The following FILIP1L variants were observed in gnomAD, a reference collection of about 807,000 sequenced individuals.
The protein encoded by FILIP1L is filamin A interacting protein 1 like, also known as filamin A-interacting protein 1-like.
In FILIP1L, 55 loss-of-function variants were observed where a neutral mutation model predicts 96.6. The ratio of observed to expected loss-of-function variants is 0.57; its 90% CI spans 0.46 to 0.71. The LOEUF (loss-of-function observed/expected upper bound fraction) is 0.71. FILIP1L is among the 30% of genes least tolerant of loss of function. FILIP1L has a pLI of 0.00. For synonymous variants in FILIP1L, 467 were observed against 473.9 expected (o/e 0.99, Z 0.19); for missense variants, 1,304 against 1,321.2 (o/e 0.99, Z 0.20).
intron 1 of FILIP1L, among the ~76,000 whole-genome samples, chr3:99,969,703 T>C (rs1708758434): frequency 6.6e-6 from 1 of 152,054 alleles, no homozygotes; most frequent in African/African-American, 2.4e-5. Flanking sequence ...ACATAATGGA[T>C]AGGAAGCAGC....
intron 1 of FILIP1L, among the ~76,000 whole-genome samples, chr3:100,103,766 A>G (rs2066348155): frequency 6.6e-6 from 1 of 152,224 alleles, no homozygotes; most frequent in African/African-American, 2.4e-5. Flanking sequence ...TGGCCTTGCA[A>G]TAAACATGTT....
chr3:100,013,091 G>A (rs1710209615), intron 1 of FILIP1L, among the ~76,000 whole-genome samples: 1 of 152,050 alleles, frequency 6.6e-6, no homozygotes, highest in South Asian at 2.1e-4. Flanking sequence ...TGTCCGGGCT[G>A]ATCTTGAACT....
intron 1 of FILIP1L, among the ~76,000 whole-genome samples, chr3:100,023,748 C>G (rs1472716331): frequency 6.6e-6 from 1 of 152,110 alleles, no homozygotes; most frequent in Non-Finnish European, 1.5e-5. Flanking sequence ...CTCGCCATTG[C>G]AAACTAGTAT....
intron 4 of FILIP1L, among the ~76,000 whole-genome samples, chr3:99,886,052 A>G (rs1375704868): frequency 6.6e-6 from 1 of 152,250 alleles, no homozygotes; most frequent in East Asian, 1.9e-4. Flanking sequence ...GAGGTATTAC[A>G]CTTTCCTTTC....
intron 1 of FILIP1L, among the ~76,000 whole-genome samples, chr3:99,957,073 C>CT (rs1368601076): frequency 1.5e-4 from 23 of 152,172 alleles, no homozygotes; most frequent in Admixed American, 1.0e-3. Context: ...CTTAACCCTG[C>CT]TTAACATACT....
At chr3:99,879,126 T>C (rs969296666) in intron 4 of FILIP1L, among the ~76,000 whole-genome samples, 5 of 152,314 alleles carry the variant, frequency 3.3e-5, no homozygotes, top group Admixed American at 3.3e-4. Context: ...CTTTCTACAA[T>C]TAGTAATCTG....
intron 1 of FILIP1L, among the ~76,000 whole-genome samples, chr3:99,972,649 G>C (rs951757321): frequency 5.9e-5 from 9 of 152,136 alleles, no homozygotes; most frequent in African/African-American, 1.9e-4. Context: ...ATGAGCCCAT[G>C]TCACCACCCT....
chr3:99,921,606 A>T (rs1212385997), intron 4 of FILIP1L, among the ~76,000 whole-genome samples: 1 of 152,192 alleles, frequency 6.6e-6, no homozygotes, highest in East Asian at 1.9e-4. Context: ...GAATATTCTC[A>T]TATCTTCTGG....
At chr3:99,835,748 A>G (rs1176167520) in intron 5 of FILIP1L, among the ~76,000 whole-genome samples, 3 of 152,236 alleles carry the variant, frequency 2.0e-5, no homozygotes. Flanking sequence ...AGGAGGGGTA[A>G]CAAATAATTA....
chr3:99,901,984 G>GT (rs542857966), intron 4 of FILIP1L, among the ~76,000 whole-genome samples: 19 of 152,106 alleles, frequency 1.2e-4, no homozygotes, highest in Middle Eastern at 3.4e-3. Flanking sequence ...AACACAGAGT[G>GT]TTTTTTTCAT....
At chr3:99,932,966 A>T (rs987345997) in intron 1 of FILIP1L, among the ~76,000 whole-genome samples, 1 of 152,172 alleles carries the variant, frequency 6.6e-6, no homozygotes, top group Non-Finnish European at 1.5e-5. Context: ...TATGTGTGCT[A>T]AGCATTCTTC....
chr3:99,994,549 T>A (rs907732480), intron 1 of FILIP1L, among the ~76,000 whole-genome samples: 2 of 152,070 alleles, frequency 1.3e-5, no homozygotes, highest in Non-Finnish European at 2.9e-5. Flanking sequence ...CAGAACACAA[T>A]GGAAAAAGGC....
chr3:100,092,599 T>C (rs1292894925), intron 1 of FILIP1L, among the ~76,000 whole-genome samples: 1 of 149,976 alleles, frequency 6.7e-6, no homozygotes, highest in East Asian at 1.9e-4. Flanking sequence ...GGCCACTAGT[T>C]ATGAGGGTTA....
rs531637381 is a variant in FILIP1L, at chr3:99,934,279, A to G, written c.-10-3249T>C. 1.3e-4 allele frequency among the ~76,000 whole-genome samples: 20 copies of G among 152,334 alleles called. 1 individual carries two copies. In the South Asian group the frequency reaches 2.7e-3, roughly 21 times the overall value. On this transcript the variant is annotated intron_variant, in intron 1 of 5. Transcript: ENST00000477258. ...GCCACATTGCAAAGGAATGGAAGGA[A>G]TTAACTGCAGCCATCTTTGAAAAAG...
rs746255036 is a variant in FILIP1L, at chr3:99,832,543, TA to T, written c.3382-1939del. Among the ~76,000 whole-genome samples the T allele has an allele frequency of 7.6e-3, 323 of 42,406 alleles. 1 individual carries two copies. The highest frequency in any genetic ancestry group is 0.02 in the African/African-American group (151 of 7,500). 27.8% of individuals were successfully genotyped at this position (42,406 alleles called of 152,430 possible). ...CTGCGCCCAGCCATTCCCAAATCTT[TA>T]AAAAAAAAAAAAAAAAGGCCTAGCG... On this transcript the variant is annotated intron_variant, in intron 5 of 5. Transcript: ENST00000477258.
At chr3:99,898,710 G>A in intron 4 of FILIP1L, 1 of 156,302 alleles carries the variant, frequency 6.4e-6, no homozygotes. Context: ...AGATTGCAGT[G>A]AGCCAAGATC....
chr3:99,990,791 AT>A lies in FILIP1L; in HGVS notation c.-10-59762del, dbSNP rs1178760043. 2.0e-5 allele frequency among the ~76,000 whole-genome samples: 3 copies of A among 152,314 alleles called. No individual in the cohort carries two copies. The East Asian group carries it at 5.8e-4, about 29-fold the overall frequency. On this transcript the variant is annotated intron_variant, in intron 1 of 5. Transcript: ENST00000477258. ...TTACCTATATTTGTAATAAAAAAAA[AT>A]ACCTTTCTGGAATTCCATAAAGAAG...
At chr3:99,863,955 A>T (rs1468117578) in intron 4 of FILIP1L, among the ~76,000 whole-genome samples, 1 of 152,234 alleles carries the variant, frequency 6.6e-6, no homozygotes, top group African/African-American at 2.4e-5. Context: ...CCATTGGATC[A>T]GTGTTCTTAA....
chr3:99,966,297 G>A (rs1482404672), intron 1 of FILIP1L, among the ~76,000 whole-genome samples: 1 of 152,080 alleles, frequency 6.6e-6, no homozygotes, highest in Non-Finnish European at 1.5e-5. Flanking sequence ...GATCTCCTGG[G>A]GCAAAGCAGC....
Sources: allele counts gnomAD v4.1 joint callset (sites outside exome capture counted in the v4.1 genomes callset), GRCh38; gene constraint gnomAD v4.1.1; transcripts MANE v1.5; gene names NCBI Gene and HGNC (gene_info 2026-07-23, HGNC 2026-07-21).